The following GPC5 variants were observed in gnomAD, a reference collection of about 807,000 sequenced individuals.
GPC5 encodes glypican-5.
A neutral mutation model predicts 53.9 loss-of-function variants in GPC5; 47 were observed. That is an observed-to-expected ratio of 0.87 (90% CI 0.69 to 1.11). GPC5 has a LOEUF of 1.11. Among genes scored for constraint, GPC5 ranks in the 50% most tolerant of loss-of-function variants. GPC5 has a pLI of 0.00. For synonymous variants in GPC5, 286 were observed against 263.3 expected, an observed-to-expected ratio of 1.09 and a Z score of -0.84; for missense variants, 748 against 713.1, an observed-to-expected ratio of 1.05 and a Z score of -0.56.
intron 6 of GPC5, among the ~76,000 whole-genome samples, chr13:92,071,020 G>A (rs1199549552): frequency 3.3e-5 from 5 of 151,918 alleles, no homozygotes; most frequent in African/African-American, 7.3e-5. Context: ...GGCGGATCAC[G>A]AGGTCAGGAG....
chr13:92,762,410 A>C (rs1317642425), intron 7 of GPC5, among the ~76,000 whole-genome samples: 2 of 152,134 alleles, frequency 1.3e-5, no homozygotes, highest in African/African-American at 4.8e-5. Flanking sequence ...AACATACATA[A>C]ATGGTAAAGA....
intron 5 of GPC5, among the ~76,000 whole-genome samples, chr13:91,863,998 T>A (rs1202072439): frequency 6.6e-6 from 1 of 152,226 alleles, no homozygotes; most frequent in East Asian, 1.9e-4. Flanking sequence ...TGTGCACTGA[T>A]AAATATGTCT....
chr13:92,232,615 A>G (rs556140293), intron 7 of GPC5, among the ~76,000 whole-genome samples: 1 of 152,198 alleles, frequency 6.6e-6, no homozygotes, highest in African/African-American at 2.4e-5. Context: ...CTCTAAAAGA[A>G]AGTGTTGAAC....
chr13:92,752,822 C>G (rs1459423154), intron 7 of GPC5, among the ~76,000 whole-genome samples: 3 of 152,332 alleles, frequency 2.0e-5, no homozygotes, highest in South Asian at 2.1e-4. Flanking sequence ...TATCCTGCAC[C>G]TGGCTCGGAG....
At chr13:91,584,271 T>G (rs2032478644) in intron 2 of GPC5, among the ~76,000 whole-genome samples, 1 of 152,182 alleles carries the variant, frequency 6.6e-6, no homozygotes, top group Non-Finnish European at 1.5e-5. Flanking sequence ...AATAAGATAC[T>G]ATTGGTGCCC....
intron 6 of GPC5, among the ~76,000 whole-genome samples, chr13:91,998,822 G>T (rs1356986937): frequency 1.3e-5 from 2 of 152,050 alleles, no homozygotes; most frequent in Non-Finnish European, 2.9e-5. Flanking sequence ...ATTATTTTTT[G>T]CTGGTCCTGG....
chr13:92,383,030 A>G (rs1322831020), intron 7 of GPC5, among the ~76,000 whole-genome samples: 2 of 151,122 alleles, frequency 1.3e-5, no homozygotes, highest in Non-Finnish European at 2.9e-5. Flanking sequence ...AAAAAAGGAA[A>G]TCGCATTATA....
intron 5 of GPC5, among the ~76,000 whole-genome samples, chr13:91,767,748 G>A (rs1193736107): frequency 6.6e-6 from 1 of 152,204 alleles, no homozygotes; most frequent in Non-Finnish European, 1.5e-5. Context: ...AGGTTGAATA[G>A]AGGAAGATAA....
At chr13:92,726,853 G>A (rs1017732752) in intron 7 of GPC5, among the ~76,000 whole-genome samples, 3 of 151,452 alleles carry the variant, frequency 2.0e-5, no homozygotes, top group Non-Finnish European at 4.4e-5. Flanking sequence ...CGTTCTGAAT[G>A]TACTAACAAA....
Position 91,490,752 on chromosome 13 carries a change from G to A in GPC5, c.325+41830G>A, listed in dbSNP as rs115095907. Reference sequence around the variant, plus strand: ...CAGAGAGAAAAAGCTAAATGTACAAGTTACTTCACTCAGGGAAAATAGTCA... The same window carrying A: ...CAGAGAGAAAAAGCTAAATGTACAAATTACTTCACTCAGGGAAAATAGTCA... On this transcript the variant is annotated intron_variant, in intron 2 of 7. Transcript: ENST00000377067. Among the ~76,000 whole-genome samples, 1,013 of 152,258 alleles carry A rather than the reference G, an allele frequency of 6.7e-3. 11 individuals carry two copies. The highest frequency in any genetic ancestry group is 0.023 in the African/African-American group (970 of 41,548).
intron 7 of GPC5, among the ~76,000 whole-genome samples, chr13:92,494,178 C>T (rs1409215113): frequency 1.3e-5 from 2 of 152,044 alleles, no homozygotes; most frequent in African/African-American, 4.8e-5. Context: ...CAAGCTCCGC[C>T]TCCTGGGTTC....
chr13:92,740,105 C>T (rs937008564), intron 7 of GPC5, among the ~76,000 whole-genome samples: 3 of 151,944 alleles, frequency 2.0e-5, no homozygotes, highest in African/African-American at 7.2e-5. Context: ...CTTTGCTGGT[C>T]CTCAAACATG....
chr13:92,604,185 T>G (rs915192996), intron 7 of GPC5, among the ~76,000 whole-genome samples: 1 of 152,168 alleles, frequency 6.6e-6, no homozygotes, highest in African/African-American at 2.4e-5. Flanking sequence ...GGAATTACTT[T>G]ACAGGAATTC....
intron 7 of GPC5, among the ~76,000 whole-genome samples, chr13:92,846,680 G>A (rs1215054089): frequency 6.6e-6 from 1 of 152,168 alleles, no homozygotes; most frequent in African/African-American, 2.4e-5. Flanking sequence ...TGTGCATAAT[G>A]TGTTCCATCT....
At chr13:92,447,319 G>A (rs1464674047) in intron 7 of GPC5, 5 of 152,042 alleles carry the variant, frequency 3.3e-5, no homozygotes, top group Non-Finnish European at 7.4e-5. Context: ...TAAATGTTGA[G>A]AGATAGAAGT....
In GPC5 at chr13:91,708,779, T is replaced by C. The variant is rs1365811740; in HGVS notation, c.1020+14898T>C. Among the ~76,000 whole-genome samples, 7 of 152,316 alleles carry C rather than the reference T, an allele frequency of 4.6e-5. No homozygotes were observed. In the East Asian group the frequency reaches 1.4e-3, roughly 29 times the overall value. ...AAAACCAGTATATGCCAGGAAGTAA[T>C]TTCTATGTGTGGGTTTGTTCTTTCT... On this transcript the variant is annotated intron_variant, in intron 3 of 7. Coordinates refer to ENST00000377067, the MANE Select transcript of GPC5 (RefSeq NM_004466.6).
intron 7 of GPC5, among the ~76,000 whole-genome samples, chr13:92,815,243 A>G (rs549610611): frequency 6.6e-6 from 1 of 152,130 alleles, no homozygotes; most frequent in Admixed American, 6.5e-5. Context: ...TGAGGCTGCT[A>G]TATTTTAGGG....
chr13:92,632,790 T>C (rs1424983546), intron 7 of GPC5, among the ~76,000 whole-genome samples: 1 of 152,120 alleles, frequency 6.6e-6, no homozygotes, highest in Non-Finnish European at 1.5e-5. Context: ...AGGGAGGCCT[T>C]ACAATCCTGG....
intron 2 of GPC5, among the ~76,000 whole-genome samples, chr13:91,568,689 C>A (rs1169336766): frequency 6.6e-6 from 1 of 151,504 alleles, no homozygotes; most frequent in Admixed American, 6.6e-5. Context: ...GGAAGGCCAC[C>A]AGTACTTATC....
Sources: allele counts gnomAD v4.1 joint callset (sites outside exome capture counted in the v4.1 genomes callset), GRCh38; gene constraint gnomAD v4.1.1; transcripts MANE v1.5; gene names NCBI Gene and HGNC (gene_info 2026-07-23, HGNC 2026-07-21).